NLRP5: variants seen among roughly 807,000 people sequenced by gnomAD.
NLRP5 encodes NACHT, LRR and PYD domains-containing protein 5.
NLRP5 carries 93 observed loss-of-function variants against 113.1 expected under a neutral mutation model. The observed-to-expected ratio is 0.82, with a 90% CI of 0.70 to 0.98. The LOEUF is 0.98. NLRP5 is among the 50% of genes least tolerant of loss of function. The pLI is 0.00. For synonymous variants in NLRP5, 751 were observed against 600.7 expected (o/e 1.25, Z -3.66); for missense variants, 1,808 against 1,514.3 (o/e 1.19, Z -3.22).
At chr19:56,051,741 C>G (rs989753886) in intron 12 of NLRP5, among the ~76,000 whole-genome samples, 1 of 152,160 alleles carries the variant, frequency 6.6e-6, no homozygotes, top group Non-Finnish European at 1.5e-5. Flanking sequence ...TCTCCTAAAG[C>G]TGGACACGTA....
the NLRP5 span, among the ~76,000 whole-genome samples, chr19:55,987,395 G>T: frequency 6.6e-6 from 1 of 152,198 alleles, no homozygotes; most frequent in South Asian, 2.1e-4. Flanking sequence ...ACAGAGTAGG[G>T]GGTACTGCAA....
intron 13 of NLRP5, among the ~76,000 whole-genome samples, chr19:56,055,002 T>A (rs1984078146): frequency 7.2e-6 from 1 of 139,400 alleles, no homozygotes; most frequent in Non-Finnish European, 1.6e-5. Context: ...CTTTTTTTTT[T>A]TTTTTTTTTT....
chr19:56,057,108 C>T (rs897442914), intron 13 of NLRP5, among the ~76,000 whole-genome samples: 3 of 152,152 alleles, frequency 2.0e-5, no homozygotes, highest in Admixed American at 1.3e-4. Flanking sequence ...CACACCCCAG[C>T]CTCAGCGATA....
intron 6 of NLRP5, 108 bp from the exon 7 acceptor site, chr19:56,026,805 A>AC (rs1982870307): frequency 8.7e-7 from 1 of 1,149,000 alleles, no homozygotes; most frequent in African/African-American, 1.6e-5. Context: ...CAAACTCCTG[A>AC]CCTCAGGTGA....
In NLRP5 at chr19:56,027,800, G is replaced by A. The variant is rs1161802876; in HGVS notation, c.1567G>A (p.Glu523Lys). The A allele has an allele frequency of 1.2e-6, 2 of 1,614,022 alleles. No individual in the cohort carries two copies. The highest frequency in any genetic ancestry group is 1.7e-6 in the Non-Finnish European group (2 of 1,179,906). The stretch of plus-strand genomic sequence containing the variant: ...CGTGGTCCGGCGCTGTCTCAATCTG[G>A]AGGAAAGAGTTGTCCTGAAGCGCTT... Residue 523 changes from glutamate (E) to lysine (K), a missense_variant, in exon 7 of 15, where the codon GAG becomes AAG. Transcript: ENST00000390649.
intron 3 of NLRP5, among the ~76,000 whole-genome samples, chr19:56,009,165 G>C (rs9304770): frequency 0.93 from 140,516 of 151,398 alleles, 65,299 homozygotes; most frequent in East Asian, 0.96. Flanking sequence ...ATGGTGAAAC[G>C]TCGTCTCTAC....
intron 6 of NLRP5, 48 bp downstream of exon 6, chr19:56,020,479 G>A: frequency 1.3e-6 from 2 of 1,577,720 alleles, no homozygotes; most frequent in Non-Finnish European, 1.7e-6. Context: ...GAAGAAAGTT[G>A]GGTGAAAGAA....
At chr19:55,987,836 ATAAC>A in the NLRP5 span, 15 of 1,613,978 alleles carry the variant, frequency 9.3e-6, no homozygotes, top group Non-Finnish European at 1.3e-5. Flanking sequence ...CTGGACTCGA[ATAAC>A]TAGCTTCTCC....
chr19:56,027,245 A>G lies in NLRP5; in HGVS notation c.1012A>G (p.Arg338Gly). The G allele has an allele frequency of 6.2e-7, 1 of 1,612,772 alleles. No individual in the cohort carries two copies. The highest frequency in any genetic ancestry group is 8.5e-7 in the Non-Finnish European group (1 of 1,179,778). The change falls in exon 7 of 15, where the codon AGG becomes GGG. Residue 338 changes from arginine to glycine, a missense_variant. Transcript: ENST00000390649. ...GAGCAGTGTCACAGAGTTCATCTCC[A>G]GGGAGTGGCCAGACTCCCAGGCTCC...
the NLRP5 span, among the ~76,000 whole-genome samples, chr19:55,987,051 C>A: frequency 6.6e-6 from 1 of 152,228 alleles, no homozygotes; most frequent in East Asian, 1.9e-4. Flanking sequence ...AGTCTCTCGT[C>A]CTTTTCAGAC....
intron 12 of NLRP5, among the ~76,000 whole-genome samples, chr19:56,051,144 T>G (rs1276394389): frequency 6.6e-6 from 1 of 152,198 alleles, no homozygotes; most frequent in Non-Finnish European, 1.5e-5. Context: ...AAAGAAAGGA[T>G]CATAGTAGTC....
intron 7 of NLRP5, among the ~76,000 whole-genome samples, chr19:56,029,641 C>A (rs1300917816): frequency 6.6e-6 from 1 of 152,208 alleles, no homozygotes; most frequent in Non-Finnish European, 1.5e-5. Context: ...CTTTGCTGGA[C>A]TGTCTCAGTG....
intron 2 of NLRP5, among the ~76,000 whole-genome samples, chr19:56,006,327 T>C (rs775294078): frequency 6.6e-6 from 1 of 152,020 alleles, no homozygotes; most frequent in Non-Finnish European, 1.5e-5. Flanking sequence ...CTAATGTAAA[T>C]AACGAGTTAA....
chr19:56,038,762 C>G (rs77169500), intron 10 of NLRP5, among the ~76,000 whole-genome samples: 13,829 of 152,172 alleles, frequency 0.091, 642 homozygotes, highest in Middle Eastern at 0.1. Context: ...GAAGGGCCTC[C>G]GAGTGGAAAC....
At chr19:56,017,372 G>A (rs1285858307) in intron 4 of NLRP5, among the ~76,000 whole-genome samples, 1 of 141,888 alleles carries the variant, frequency 7.0e-6, no homozygotes, top group African/African-American at 2.7e-5. Context: ...CCTACTTTAA[G>A]GTGGGAAGTT....
chr19:56,023,737 G>A (rs1486283102), intron 6 of NLRP5, among the ~76,000 whole-genome samples: 1 of 152,182 alleles, frequency 6.6e-6, no homozygotes, highest in Non-Finnish European at 1.5e-5. Flanking sequence ...TTATATCAGG[G>A]ACTTGAGTAT....
At chr19:56,020,913 G>A (rs1276625292) in intron 6 of NLRP5, among the ~76,000 whole-genome samples, 2 of 146,772 alleles carry the variant, frequency 1.4e-5, no homozygotes, top group Non-Finnish European at 3.0e-5. Flanking sequence ...TCGCTGTGTC[G>A]CCCAAGCTGT....
Position 56,053,841 on chromosome 19 carries a change from G to A in NLRP5, c.3299+33G>A, listed in dbSNP as rs780656245. The A allele has an allele frequency of 1.0e-5, 16 of 1,603,574 alleles. No homozygotes were observed. In the South Asian group the frequency reaches 1.5e-4, roughly 16 times the overall value. Reference sequence around the variant, plus strand: ...CCTGGGGCGCCTCTTTGCGGGCCGGGCTGGGAGGAGGTGGGGGACCCCAGC... The same window carrying A: ...CCTGGGGCGCCTCTTTGCGGGCCGGACTGGGAGGAGGTGGGGGACCCCAGC... On this transcript the variant is annotated intron_variant, in intron 13 of 14. Coordinates refer to ENST00000390649, the MANE Select transcript of NLRP5 (RefSeq NM_153447.4).
At chr19:56,041,369 T>C (rs757185267) in intron 11 of NLRP5, among the ~76,000 whole-genome samples, 5 of 152,188 alleles carry the variant, frequency 3.3e-5, no homozygotes, top group African/African-American at 4.8e-5. Context: ...TCTTGAGCAC[T>C]GAACCAGCCA....
Sources: gnomAD v4.1 joint callset for allele counts (sites outside exome capture counted in the v4.1 genomes callset) on GRCh38, gnomAD v4.1.1 for gene constraint, MANE v1.5 for transcripts, NCBI Gene and HGNC (gene_info 2026-07-23, HGNC 2026-07-21) for gene names.